The following FARP1 variants were observed in gnomAD, a reference collection of about 807,000 sequenced individuals.
The protein encoded by FARP1 is FERM, ARHGEF and pleckstrin domain-containing protein 1.
FARP1 carries 52 observed loss-of-function variants against 128.8 expected under a neutral mutation model. The ratio of observed to expected loss-of-function variants is 0.40; its 90% CI spans 0.32 to 0.51. The LOEUF (loss-of-function observed/expected upper bound fraction) is 0.51, where lower values mean the gene tolerates loss of function less well. Among genes scored for constraint, FARP1 ranks in the 20% least tolerant of loss-of-function variants. FARP1 has a pLI of 0.45. For missense variants in FARP1, 1,333 were observed against 1,367.9 expected (o/e 0.97, Z 0.40); for synonymous variants, 580 against 551.8 (o/e 1.05, Z -0.72).
At chr13:98,247,925 A>C (rs1268230068) in intron 2 of FARP1, among the ~76,000 whole-genome samples, 1 of 152,244 alleles carries the variant, frequency 6.6e-6, no homozygotes, top group Non-Finnish European at 1.5e-5. Context: ...ACACTTGATC[A>C]GCAGTCGTAT....
At chr13:98,313,313 AACACACACACAC>A (rs10684013) in intron 2 of FARP1, among the ~76,000 whole-genome samples, 3 of 139,392 alleles carry the variant, frequency 2.2e-5, no homozygotes, top group African/African-American at 8.2e-5. Context: ...CCTTCCCCCA[AACACACACACAC>A]ACACACACAC....
At chr13:98,271,735 A>G (rs1292603935) in intron 2 of FARP1, among the ~76,000 whole-genome samples, 1 of 152,208 alleles carries the variant, frequency 6.6e-6, no homozygotes, top group Non-Finnish European at 1.5e-5. Flanking sequence ...TGCAAAGGGC[A>G]TGAACTCATT....
rs770770036 is a variant in FARP1, at chr13:98,453,463, G to T, written c.*5146G>T. The T allele has an allele frequency of 2.1e-6, 1 of 480,316 alleles. No individual in the cohort carries two copies. 29.8% of individuals were successfully genotyped at this position (480,316 alleles called of 1,614,324 possible). A position where few individuals can be genotyped will look rare whatever the true frequency, so the allele number is the denominator to read the frequency against. On this transcript the variant is annotated 3_prime_UTR_variant, in exon 27 of 27. Coordinates refer to ENST00000319562, the MANE Select transcript of FARP1 (RefSeq NM_005766.4). Reference sequence around the variant, plus strand: ...GGGTTCAGCCTCCCTGGAGAGATGTGAATAAAACGGGAAATCATATCCCTT... The same window carrying T: ...GGGTTCAGCCTCCCTGGAGAGATGTTAATAAAACGGGAAATCATATCCCTT...
rs1555337150 is a variant in FARP1, at chr13:98,318,966, T to TTTG, written c.172-24794_172-24793insGTT. 4.5e-3 allele frequency among the ~76,000 whole-genome samples: 633 copies of TTTG among 141,706 alleles called. 2 individuals carry two copies. Among genetic ancestry groups the TTTG allele is most frequent in the Middle Eastern group, 0.016 (4 of 252 alleles). The allele number at this position is 141,706 out of a possible 152,430, so 93.0% of individuals were successfully genotyped here. On this transcript the variant is annotated intron_variant, in intron 2 of 26. Transcript: ENST00000319562. ...TTTTTTCTTGTTTTTTTTTTTTTTT[T>TTTG]TTTGTTTGTTTGTTTTGACAGGATC...
At chr13:98,172,149 A>G (rs1469337268) in intron 1 of FARP1, among the ~76,000 whole-genome samples, 2 of 151,982 alleles carry the variant, frequency 1.3e-5, no homozygotes, top group South Asian at 2.1e-4. Context: ...GGGGAAAAGT[A>G]TGAGAATTCT....
At chr13:98,206,076 G>GTTT (rs546081289) in intron 1 of FARP1, among the ~76,000 whole-genome samples, 17 of 151,690 alleles carry the variant, frequency 1.1e-4, no homozygotes, top group African/African-American at 3.9e-4. Flanking sequence ...TTGTTTGTTT[G>GTTT]TTTTTTGGTT....
At chr13:98,233,335 C>A (rs1024072852) in intron 2 of FARP1, among the ~76,000 whole-genome samples, 3 of 152,050 alleles carry the variant, frequency 2.0e-5, no homozygotes, top group Non-Finnish European at 4.4e-5. Flanking sequence ...GTTAACTATG[C>A]CCTGAATTAG....
chr13:98,207,805 A>G (rs1346500952), intron 1 of FARP1, among the ~76,000 whole-genome samples: 6 of 151,966 alleles, frequency 3.9e-5, no homozygotes. Flanking sequence ...GAGACAGTGA[A>G]CAGAAAACAT....
chr13:98,346,377 A>G (rs1472776542), intron 3 of FARP1, among the ~76,000 whole-genome samples: 4 of 150,850 alleles, frequency 2.7e-5, no homozygotes, highest in African/African-American at 7.3e-5. Flanking sequence ...TTTAGTAGAG[A>G]TGGGGTTTCA....
intron 2 of FARP1, among the ~76,000 whole-genome samples, chr13:98,235,655 G>A (rs1355329470): frequency 1.3e-5 from 2 of 152,086 alleles, no homozygotes; most frequent in Non-Finnish European, 2.9e-5. Flanking sequence ...GTATATTCAC[G>A]TTGCTATGCA....
intron 15 of FARP1, 38 bp from the exon 16 acceptor site, chr13:98,411,863 T>C (rs774205324): frequency 8.7e-6 from 14 of 1,605,558 alleles, no homozygotes; most frequent in Admixed American, 1.7e-5. Context: ...TCGTCATTGA[T>C]CTTTCCACCC....
chr13:98,245,292 A>G, intron 2 of FARP1: 1 of 984,248 alleles, frequency 1.0e-6, no homozygotes, highest in Non-Finnish European at 1.2e-6. Context: ...GAATAAAGTC[A>G]GATCTACTTT....
Position 98,411,869 on chromosome 13 carries a change from C to T in FARP1, c.1693-32C>T, listed in dbSNP as rs761317199. 5 of 1,606,612 alleles carry T rather than the reference C, an allele frequency of 3.1e-6. No homozygotes were observed. In the African/African-American group the frequency reaches 5.4e-5, roughly 17 times the overall value. ...TGCAGACACTCGTCATTGATCTTTC[C>T]ACCCGTAAGTGCATCGTCTTCTTCT... On this transcript the variant is annotated intron_variant, in intron 15 of 26. Transcript: ENST00000319562.
At chr13:98,184,792 T>C (rs1336189937) in intron 1 of FARP1, among the ~76,000 whole-genome samples, 1 of 152,220 alleles carries the variant, frequency 6.6e-6, no homozygotes, top group African/African-American at 2.4e-5. Context: ...TACTCTCTTT[T>C]GTGGATTAAA....
intron 1 of FARP1, among the ~76,000 whole-genome samples, chr13:98,164,377 T>C (rs1378043909): frequency 6.6e-6 from 1 of 152,232 alleles, no homozygotes; most frequent in Non-Finnish European, 1.5e-5. Flanking sequence ...ATTTTAGTTC[T>C]AGTCTGAAAC....
chr13:98,326,499 G>T (rs1266040606), intron 2 of FARP1, among the ~76,000 whole-genome samples: 1 of 152,086 alleles, frequency 6.6e-6, no homozygotes, highest in East Asian at 1.9e-4. Context: ...GCACCATTTT[G>T]TTTTCTGTTT....
chr13:98,421,580 A>G (rs58898880), intron 16 of FARP1, among the ~76,000 whole-genome samples: 27,924 of 152,174 alleles, frequency 0.18, 2,724 homozygotes, highest in Middle Eastern at 0.26. Flanking sequence ...TAACAAGGCC[A>G]GGCAATGTGG....
At chr13:98,387,560 C>T (rs568253534) in intron 8 of FARP1, among the ~76,000 whole-genome samples, 40 of 152,310 alleles carry the variant, frequency 2.6e-4, no homozygotes, top group African/African-American at 9.4e-4. Flanking sequence ...ATGAACAGGC[C>T]TGGTGTTCCA....
In FARP1 at chr13:98,453,123, G is replaced by A. The variant is rs750582650; in HGVS notation, c.*4806G>A. Reference sequence around the variant, plus strand: ...CTCGTTGACTTTTAAAAAAGGAGGAGGATGAAGAAGGAAAAAAGGAAAAAC... The same window carrying A: ...CTCGTTGACTTTTAAAAAAGGAGGAAGATGAAGAAGGAAAAAAGGAAAAAC... On this transcript the variant is annotated 3_prime_UTR_variant, in exon 27 of 27. Transcript: ENST00000319562. 7.5e-5 allele frequency: 121 copies of A among 1,603,638 alleles called. No individual in the cohort carries two copies. The South Asian group carries it at 1.1e-3, about 15-fold the overall frequency.
Sources: gnomAD v4.1 joint callset for allele counts (sites outside exome capture counted in the v4.1 genomes callset) on GRCh38, gnomAD v4.1.1 for gene constraint, MANE v1.5 for transcripts, NCBI Gene and HGNC (gene_info 2026-07-23, HGNC 2026-07-21) for gene names.